Variants in GRM3 observed in about 807,000 individuals in gnomAD.
GRM3 encodes metabotropic glutamate receptor 3.
A neutral mutation model predicts 70.5 loss-of-function variants in GRM3; 26 were observed. The observed-to-expected ratio is 0.37, with a 90% CI of 0.27 to 0.51. The LOEUF (loss-of-function observed/expected upper bound fraction) is 0.51. GRM3 is among the 20% of genes least tolerant of loss of function. The pLI, the probability that GRM3 is intolerant of heterozygous loss-of-function variation, is 0.93. For synonymous variants in GRM3, 443 were observed against 434.9 expected (o/e 1.02, Z -0.23); for missense variants, 859 against 1,123.8 (o/e 0.76, Z 3.37).
intron 3 of GRM3, among the ~76,000 whole-genome samples, chr7:86,827,765 A>G (rs1316025642): frequency 1.3e-5 from 2 of 152,062 alleles, no homozygotes; most frequent in African/African-American, 4.8e-5. Context: ...CCACCTCCCA[A>G]AGTGCTGGGA....
Position 86,718,180 on chromosome 7 carries a change from G to A in GRM3, c.-140-46826G>A, listed in dbSNP as rs1032184983. Among the ~76,000 whole-genome samples the A allele has an allele frequency of 6.6e-5, 10 of 151,752 alleles. No homozygotes were observed. The East Asian group carries it at 1.9e-3, about 30-fold the overall frequency. ...TGTTACCATTTACATACTTCAGCTT[G>A]GCTGACCTTAAGATATTATTTCAGT... is the stretch of plus-strand genomic sequence containing the variant. On this transcript the variant is annotated intron_variant, in intron 1 of 5. Coordinates refer to ENST00000361669, the MANE Select transcript of GRM3 (RefSeq NM_000840.3).
intron 1 of GRM3, among the ~76,000 whole-genome samples, chr7:86,712,172 T>G (rs1795214345): frequency 6.6e-6 from 1 of 151,974 alleles, no homozygotes; most frequent in African/African-American, 2.4e-5. Context: ...TCCTCTTCAC[T>G]CCTGCTCTTC....
intron 1 of GRM3, among the ~76,000 whole-genome samples, chr7:86,693,643 C>T (rs977615430): frequency 8.5e-5 from 13 of 152,202 alleles, no homozygotes; most frequent in African/African-American, 3.1e-4. Context: ...TCATAATTAC[C>T]ATAATGTTAA....
chr7:86,675,451 C>G (rs2115929878), intron 1 of GRM3, among the ~76,000 whole-genome samples: 1 of 152,148 alleles, frequency 6.6e-6, no homozygotes, highest in African/African-American at 2.4e-5. Context: ...AGCCTGAGAA[C>G]CAGCAAACAA....
At chr7:86,695,595 C>T (rs1470945702) in intron 1 of GRM3, among the ~76,000 whole-genome samples, 3 of 152,088 alleles carry the variant, frequency 2.0e-5, no homozygotes, top group South Asian at 2.1e-4. Context: ...TCATGAACTC[C>T]CGTTTACTTG....
chr7:86,661,294 G>C (rs1793887616), intron 1 of GRM3, among the ~76,000 whole-genome samples: 1 of 151,956 alleles, frequency 6.6e-6, no homozygotes, highest in Non-Finnish European at 1.5e-5. Flanking sequence ...ACTGGGAGTA[G>C]GCTACTTAAT....
intron 1 of GRM3, among the ~76,000 whole-genome samples, chr7:86,696,433 C>T (rs1038227329): frequency 6.6e-6 from 1 of 152,070 alleles, no homozygotes; most frequent in Non-Finnish European, 1.5e-5. Flanking sequence ...AAAAATGAAA[C>T]AAATTTTCCC....
At chr7:86,750,818 T>C (rs139818343) in intron 1 of GRM3, among the ~76,000 whole-genome samples, 53 of 152,166 alleles carry the variant, frequency 3.5e-4, no homozygotes, top group African/African-American at 1.2e-3. Context: ...TTGGAGCTAC[T>C]GTGAGCAAAA....
chr7:86,817,025 GA>G (rs1426911752), intron 3 of GRM3, among the ~76,000 whole-genome samples: 1 of 151,558 alleles, frequency 6.6e-6, no homozygotes, highest in African/African-American at 2.4e-5. Flanking sequence ...CAAGGAAACT[GA>G]AAAAAACAGT....
rs549867404 is a variant in GRM3 at position 86,712,566 on chromosome 7, A to G, written c.-140-52440A>G. ...TAAACTATAGTTACCCTATATATCT[A>G]TAGAACACTAGGTCGTATTTCTTTT... On this transcript the variant is annotated intron_variant, in intron 1 of 5. Coordinates refer to ENST00000361669, the MANE Select transcript of GRM3 (RefSeq NM_000840.3). Among the ~76,000 whole-genome samples the G allele has an allele frequency of 1.4e-4, 22 of 152,150 alleles. No individual in the cohort carries two copies. In the East Asian group the frequency reaches 2.5e-3, roughly 17 times the overall value.
At chr7:86,726,614 A>G (rs1478455381) in intron 1 of GRM3, among the ~76,000 whole-genome samples, 3 of 152,068 alleles carry the variant, frequency 2.0e-5, no homozygotes, top group Non-Finnish European at 4.4e-5. Context: ...TAAACAGCCT[A>G]TTTCCATTAC....
intron 1 of GRM3, among the ~76,000 whole-genome samples, chr7:86,656,260 C>CTTTTTTT (rs1165969016): frequency 1.3e-3 from 111 of 83,250 alleles, no homozygotes; most frequent in Non-Finnish European, 1.7e-3. Flanking sequence ...ATACTATGTT[C>CTTTTTTT]TTTTTTTTTT....
chr7:86,684,085 T>C (rs1471762010), intron 1 of GRM3, among the ~76,000 whole-genome samples: 2 of 152,182 alleles, frequency 1.3e-5, no homozygotes, highest in Admixed American at 6.5e-5. Flanking sequence ...GATTGTAAAG[T>C]TCTTCGTGGT....
chr7:86,761,137 G>C (rs1483995558), intron 1 of GRM3, among the ~76,000 whole-genome samples: 1 of 152,128 alleles, frequency 6.6e-6, no homozygotes, highest in East Asian at 1.9e-4. Context: ...CAGCAGGGAT[G>C]ATGTTCATTT....
chr7:86,742,181 A>G (rs546934492), intron 1 of GRM3, among the ~76,000 whole-genome samples: 1 of 152,114 alleles, frequency 6.6e-6, no homozygotes, highest in Non-Finnish European at 1.5e-5. Context: ...GTGCCTCTCT[A>G]TATGGTTGCT....
At chr7:86,735,071 T>C (rs2116295626) in intron 1 of GRM3, among the ~76,000 whole-genome samples, 1 of 152,306 alleles carries the variant, frequency 6.6e-6, no homozygotes, top group Admixed American at 6.5e-5. Context: ...TGAAGCTGGA[T>C]AAAAGTTTAA....
intron 1 of GRM3, among the ~76,000 whole-genome samples, chr7:86,759,249 C>T (rs1796421496): frequency 6.6e-6 from 1 of 152,046 alleles, no homozygotes; most frequent in South Asian, 2.1e-4. Context: ...TCTAAATGCT[C>T]TCAAAATTTC....
intron 1 of GRM3, among the ~76,000 whole-genome samples, chr7:86,690,766 G>A (rs973900791): frequency 6.6e-6 from 1 of 152,016 alleles, no homozygotes; most frequent in African/African-American, 2.4e-5. Context: ...AAAATTTGGA[G>A]AAAAATGTTA....
chr7:86,789,240 G>A (rs550291423), intron 3 of GRM3, among the ~76,000 whole-genome samples: 1 of 152,142 alleles, frequency 6.6e-6, no homozygotes, highest in Admixed American at 6.5e-5. Context: ...TAAAAGAGAG[G>A]GAATTTAGAC....
Sources: gnomAD v4.1 joint callset for allele counts (sites outside exome capture counted in the v4.1 genomes callset) on GRCh38, gnomAD v4.1.1 for gene constraint, MANE v1.5 for transcripts, NCBI Gene and HGNC (gene_info 2026-07-23, HGNC 2026-07-21) for gene names.